NDUFAF6: variants seen among roughly 807,000 people sequenced by gnomAD.
NDUFAF6 encodes the protein NADH dehydrogenase (ubiquinone) complex I, assembly factor 6.
NDUFAF6 carries 45 observed loss-of-function variants against 40.8 expected under a neutral mutation model. That is an observed-to-expected ratio of 1.10 (90% CI 0.87 to 1.42). NDUFAF6 has a LOEUF of 1.42. Ranked by LOEUF, NDUFAF6 falls within the 40% of genes most tolerant of loss-of-function variation. The pLI, the probability that NDUFAF6 is intolerant of heterozygous loss-of-function variation, is 0.00. For synonymous variants in NDUFAF6, 185 were observed against 155.9 expected (o/e 1.19, Z -1.39); for missense variants, 435 against 418.5 (o/e 1.04, Z -0.34).
At chr8:95,035,368 C>T (rs567967737) in intron 2 of NDUFAF6, 86 bp from the exon 3 acceptor site, 21 of 1,428,130 alleles carry the variant, frequency 1.5e-5, no homozygotes, top group Non-Finnish European at 1.9e-5. Flanking sequence ...AGAACAGTTA[C>T]ATTAACTCAA....
intron 2 of NDUFAF6, among the ~76,000 whole-genome samples, chr8:94,998,528 AGAGCTTTTCCCTG>A (rs1189218465): frequency 6.6e-6 from 1 of 152,194 alleles, no homozygotes; most frequent in East Asian, 1.9e-4. Context: ...GTTCTTTATA[AGAGCTTTTCCCTG>A]TAATTATTTA....
At chr8:95,099,830 T>C (rs143969846), upstream of NDUFAF6, among the ~76,000 whole-genome samples, 4 of 152,334 alleles carry the variant, frequency 2.6e-5, no homozygotes, top group East Asian at 7.7e-4. Flanking sequence ...CCACTACTGT[T>C]GTCTCATCAC....
chr8:94,974,250 G>GA (rs542718809), intron 1 of NDUFAF6, among the ~76,000 whole-genome samples: 3,946 of 142,808 alleles, frequency 0.028, 83 homozygotes, highest in Non-Finnish European at 0.039. Context: ...TTATTATAAG[G>GA]AAAAAAAAAA....
intron 2 of NDUFAF6, among the ~76,000 whole-genome samples, chr8:95,101,408 T>C (rs1809641906): frequency 6.6e-6 from 1 of 152,186 alleles, no homozygotes; most frequent in Admixed American, 6.5e-5. Context: ...ACAACATACC[T>C]GAGAGTGGCG....
At chr8:95,071,021 GA>G (rs1832829816) in intron 9 of NDUFAF6, among the ~76,000 whole-genome samples, 1 of 152,092 alleles carries the variant, frequency 6.6e-6, no homozygotes, top group African/African-American at 2.4e-5. Flanking sequence ...AGATCACATA[GA>G]AATTAAATCT....
At chr8:94,964,176 G>A (rs955140858) in intron 1 of NDUFAF6, among the ~76,000 whole-genome samples, 2 of 151,956 alleles carry the variant, frequency 1.3e-5, no homozygotes, top group Admixed American at 6.6e-5. Context: ...GCCTGTAATC[G>A]CAGCACTTTG....
intron 1 of NDUFAF6, among the ~76,000 whole-genome samples, chr8:95,026,341 G>A (rs1359630014): frequency 6.6e-6 from 1 of 152,116 alleles, no homozygotes; most frequent in African/African-American, 2.4e-5. Flanking sequence ...TGTGTCCCGC[G>A]CTTGTGGTCC....
At chr8:95,038,944 C>T (rs1461842649) in intron 3 of NDUFAF6, among the ~76,000 whole-genome samples, 2 of 150,616 alleles carry the variant, frequency 1.3e-5, no homozygotes, top group East Asian at 2.0e-4. Flanking sequence ...GCTGGGATTA[C>T]AGGTGTCAGC....
Position 94,966,009 on chromosome 8 carries a change from C to T in NDUFAF6, c.-199+7830C>T, listed in dbSNP as rs1477153035. Among the ~76,000 whole-genome samples the T allele has an allele frequency of 2.0e-5, 3 of 152,196 alleles. No individual in the cohort carries two copies. In the East Asian group the frequency reaches 5.8e-4, roughly 29 times the overall value. On this transcript the variant is annotated intron_variant, in intron 1 of 9. Coordinates refer to the NDUFAF6 transcript ENST00000396111. ...AGTCAGGATTGGAAACTATAGCCAG[C>T]TGGCTCCATAATCTGTAACCCACGC...
intron 2 of NDUFAF6, among the ~76,000 whole-genome samples, chr8:94,997,339 C>CAGAGAG (rs1202029928): frequency 4.0e-4 from 50 of 124,320 alleles, no homozygotes; most frequent in African/African-American, 1.1e-3. Flanking sequence ...CACACACACA[C>CAGAGAG]ACACAGAGAG....
chr8:94,956,798 T>G (rs1399831913), upstream of NDUFAF6, among the ~76,000 whole-genome samples: 3 of 152,130 alleles, frequency 2.0e-5, no homozygotes, highest in Admixed American at 6.5e-5. Context: ...GGCTGCTTAG[T>G]GGACTGATGT....
intron 1 of NDUFAF6, among the ~76,000 whole-genome samples, chr8:94,909,597 G>C (rs1277295973): frequency 6.6e-6 from 1 of 151,610 alleles, no homozygotes; most frequent in Admixed American, 6.6e-5. Flanking sequence ...CTGCACTCCA[G>C]CCTGGCGACA....
chr8:95,038,662 C>T (rs1285582971), intron 3 of NDUFAF6, among the ~76,000 whole-genome samples: 4 of 151,840 alleles, frequency 2.6e-5, no homozygotes, highest in Non-Finnish European at 5.9e-5. Flanking sequence ...TTTACCATGC[C>T]TGGCCTCAGT....
At chr8:95,109,583 T>TAG (rs1563872935) in intron 4 of NDUFAF6, among the ~76,000 whole-genome samples, 2 of 49,322 alleles carry the variant, frequency 4.1e-5, no homozygotes, top group Non-Finnish European at 6.8e-5. Context: ...GTTAGATAGA[T>TAG]AGATAGAGAG....
At chr8:94,930,556 T>G (rs1820293373) in intron 1 of NDUFAF6, 2 of 1,614,132 alleles carry the variant, frequency 1.2e-6, no homozygotes, top group African/African-American at 2.7e-5. Flanking sequence ...TGGCAATCCC[T>G]GGTAAGATTT....
intron 2 of NDUFAF6, chr8:94,945,695 T>C (rs1466633010): frequency 6.6e-6 from 1 of 152,182 alleles, no homozygotes; most frequent in East Asian, 1.9e-4. Context: ...AGGGCAATCA[T>C]AGAACGAAAA....
chr8:95,078,031 G>A (rs2599702), downstream of NDUFAF6, among the ~76,000 whole-genome samples: 88,634 of 151,884 alleles, frequency 0.58, 26,149 homozygotes, highest in East Asian at 0.77. Flanking sequence ...CAGCAGCCAC[G>A]GGACCACAGA....
intron 9 of NDUFAF6, among the ~76,000 whole-genome samples, chr8:95,074,154 C>T (rs570922381): frequency 2.2e-4 from 33 of 151,816 alleles, no homozygotes; most frequent in Admixed American, 5.2e-4. Flanking sequence ...CATGGGAGTT[C>T]GTTCTAGAAT....
At chr8:94,997,329 CACACACACACACACAGAGAG>C (rs1196731021) in intron 2 of NDUFAF6, among the ~76,000 whole-genome samples, 10 of 139,766 alleles carry the variant, frequency 7.2e-5, no homozygotes, top group Admixed American at 1.5e-4. Flanking sequence ...CACACACACA[CACACACACACACACAGAGAG>C]AGAGAGAGAG....
Sources: gnomAD v4.1 joint callset for allele counts (sites outside exome capture counted in the v4.1 genomes callset) on GRCh38, gnomAD v4.1.1 for gene constraint, MANE v1.5 for transcripts, NCBI Gene and HGNC (gene_info 2026-07-23, HGNC 2026-07-21) for gene names.